Variants in CFAP70 observed in about 807,000 individuals in gnomAD.
CFAP70 encodes the protein cilia- and flagella-associated protein 70.
A neutral mutation model predicts 137.6 loss-of-function variants in CFAP70; 81 were observed. The observed-to-expected ratio is 0.59, with a 90% CI of 0.49 to 0.71. The LOEUF (loss-of-function observed/expected upper bound fraction) is 0.71, where lower values mean the gene tolerates loss of function less well. Ranked by LOEUF, CFAP70 falls within the 30% of genes least tolerant of loss-of-function variation. CFAP70 has a pLI of 0.00. For missense variants in CFAP70, 976 were observed against 1,226.7 expected, an observed-to-expected ratio of 0.80 and a Z score of 3.05; for synonymous variants, 382 against 423.6, an observed-to-expected ratio of 0.90 and a Z score of 1.20.
chr10:73,267,864 T>C (rs951064597), intron 25 of CFAP70, among the ~76,000 whole-genome samples: 1 of 152,190 alleles, frequency 6.6e-6, no homozygotes, highest in African/African-American at 2.4e-5. Context: ...GGTCCCTGTT[T>C]CCTTGCTGGC....
intron 25 of CFAP70, among the ~76,000 whole-genome samples, chr10:73,257,698 G>A (rs1362184861): frequency 1.3e-5 from 2 of 152,150 alleles, no homozygotes; most frequent in Non-Finnish European, 2.9e-5. Context: ...GCATTTTCCA[G>A]CACACCTGCC....
chr10:73,255,529 G>A (rs2044399418), intron 26 of CFAP70, among the ~76,000 whole-genome samples: 1 of 152,134 alleles, frequency 6.6e-6, no homozygotes, highest in African/African-American at 2.4e-5. Context: ...ACTCCAGCCT[G>A]GGCAACAGTG....
chr10:73,281,348 A>ATT (rs770634015), intron 19 of CFAP70, among the ~76,000 whole-genome samples: 5,228 of 140,010 alleles, frequency 0.037, 298 homozygotes, highest in African/African-American at 0.12. Context: ...ACACCTGGCT[A>ATT]TTTTTTTTTT....
intron 3 of CFAP70, among the ~76,000 whole-genome samples, chr10:73,349,792 G>T (rs2132505404): frequency 6.6e-6 from 1 of 152,090 alleles, no homozygotes; most frequent in Middle Eastern, 3.4e-3. Context: ...CAATTTTTTT[G>T]CTTCATCATG....
At chr10:73,292,569 C>T (rs1370392446) in intron 16 of CFAP70, among the ~76,000 whole-genome samples, 1 of 152,092 alleles carries the variant, frequency 6.6e-6, no homozygotes, top group South Asian at 2.1e-4. Flanking sequence ...AGTGAAATGC[C>T]TCAAAATTCT....
At chr10:73,274,506 C>A (rs776136591) in exon 23 of CFAP70, 1 of 1,614,190 alleles carries the variant, frequency 6.2e-7, no homozygotes, top group Admixed American at 1.7e-5. Flanking sequence ...CACTACAAAG[C>A]TAATGGTTCG....
upstream of CFAP70, among the ~76,000 whole-genome samples, chr10:73,359,137 C>T (rs1198162766): frequency 1.3e-5 from 2 of 152,076 alleles, no homozygotes; most frequent in African/African-American, 4.8e-5. Flanking sequence ...CCCGTCACGC[C>T]CTGTTGATGA....
In CFAP70 at chr10:73,297,082, T is replaced by TAG; in HGVS notation, c.1602_1603dup (p.Tyr535SerfsTer5). On this transcript the variant is annotated frameshift_variant, in exon 15 of 27. Coordinates refer to ENST00000310715, the Ensembl canonical transcript of CFAP70. LOFTEE classifies it high-confidence loss of function. ...ATGCATCTGATCTACTAAGAACACATAGAGCTCACTGATAAATGTCTGAAG... is the reference window on the plus strand; with the variant it reads ...ATGCATCTGATCTACTAAGAACACATAGAGAGCTCACTGATAAATGTCTGAAG... 6.2e-7 allele frequency: 1 copy of TAG among 1,613,896 alleles called. No homozygotes were observed. The highest frequency in any genetic ancestry group is 2.2e-5 in the East Asian group (1 of 44,882).
intron 4 of CFAP70, 133 bp downstream of exon 5, chr10:73,348,023 G>T: frequency 1.3e-6 from 1 of 754,506 alleles, no homozygotes; most frequent in Non-Finnish European, 2.2e-6. Flanking sequence ...TTGTTTCCCA[G>T]AATCTAACAC....
intron 25 of CFAP70, among the ~76,000 whole-genome samples, chr10:73,256,826 C>A (rs1589227070): frequency 6.7e-6 from 1 of 150,280 alleles, no homozygotes; most frequent in African/African-American, 2.5e-5. Context: ...TCGCTTGAAC[C>A]CAGGAGGCAG....
chr10:73,277,409 A>T, intron 20 of CFAP70, 48 bp from the exon 22 acceptor site: 1 of 1,596,850 alleles, frequency 6.3e-7, no homozygotes. Flanking sequence ...TAACAGAAAA[A>T]GTGTCAGAAA....
intron 25 of CFAP70, among the ~76,000 whole-genome samples, chr10:73,261,283 C>T (rs1237951353): frequency 1.3e-5 from 2 of 152,130 alleles, no homozygotes; most frequent in African/African-American, 4.8e-5. Flanking sequence ...CATGCCACCA[C>T]CCCTGGCTAA....
intron 7 of CFAP70, among the ~76,000 whole-genome samples, chr10:73,335,040 C>A: frequency 6.6e-6 from 1 of 150,604 alleles, no homozygotes; most frequent in South Asian, 2.1e-4. Flanking sequence ...GTATCTGCAC[C>A]AAACTAATTT....
At chr10:73,256,902 CAAAAA>C (rs55805225) in intron 25 of CFAP70, among the ~76,000 whole-genome samples, 1 of 58,318 alleles carries the variant, frequency 1.7e-5, no homozygotes, top group African/African-American at 5.9e-5. Context: ...GACTCCATCT[CAAAAA>C]AAAAAAAAAA....
At chr10:73,293,456 T>A in intron 15 of CFAP70, 68 bp from the exon 17 acceptor site, 1 of 1,388,126 alleles carries the variant, frequency 7.2e-7, no homozygotes, top group Non-Finnish European at 9.7e-7. Context: ...TTCATAAGCA[T>A]AAATCCGATG....
At position 73,272,918 on chromosome 10, in the gene CFAP70, A is replaced by G; in HGVS notation, c.2925+10T>C. Reference sequence around the variant, plus strand: ...TCCACAGCCCTAGTCTCAAGCCTTCATCCTCTTACCCGATAGCAGGCGATT... The same window carrying G: ...TCCACAGCCCTAGTCTCAAGCCTTCGTCCTCTTACCCGATAGCAGGCGATT... On this transcript the variant is annotated intron_variant, in intron 24 of 26. Transcript: ENST00000310715. The G allele has an allele frequency of 6.4e-7, 1 of 1,551,266 alleles. No homozygotes were observed. Among genetic ancestry groups the G allele is most frequent in the Non-Finnish European group, 8.7e-7 (1 of 1,146,516 alleles).
intron 19 of CFAP70, among the ~76,000 whole-genome samples, chr10:73,279,981 A>C (rs1449843828): frequency 6.6e-6 from 1 of 152,154 alleles, no homozygotes; most frequent in Non-Finnish European, 1.5e-5. Flanking sequence ...ACCATTTTGC[A>C]TTCTCACCAG....
chr10:73,289,168 T>C (rs538440641), intron 19 of CFAP70, among the ~76,000 whole-genome samples: 1 of 152,168 alleles, frequency 6.6e-6, no homozygotes, highest in East Asian at 1.9e-4. Context: ...CAACAAAAAA[T>C]TGTTATGATT....
In CFAP70 at chr10:73,287,092, T is replaced by C. The variant is rs1336160672; in HGVS notation, c.2239+4134A>G. The stretch of plus-strand genomic sequence containing the variant: ...CACAGTGCTGCAGAGATTGTGTTTA[T>C]GGCTAGTTTGGGGGCCAGTTTATGG... On this transcript the variant is annotated intron_variant, in intron 19 of 26. Coordinates refer to ENST00000310715, the Ensembl canonical transcript of CFAP70. Among the ~76,000 whole-genome samples, 3 of 152,228 alleles carry C rather than the reference T, an allele frequency of 2.0e-5. 1 individual carries two copies. In the East Asian group the frequency reaches 5.8e-4, roughly 29 times the overall value.
Sources: gnomAD v4.1 joint callset for allele counts (sites outside exome capture counted in the v4.1 genomes callset) on GRCh38, gnomAD v4.1.1 for gene constraint, MANE v1.5 for transcripts, NCBI Gene and HGNC (gene_info 2026-07-23, HGNC 2026-07-21) for gene names.